AFG2A: variants seen among roughly 807,000 people sequenced by gnomAD.
AFG2A encodes the protein AAA ATPase AFG2A.
At chr4:123,235,620 C>G in the AFG2A span, among the ~76,000 whole-genome samples, 1 of 152,166 alleles carries the variant, frequency 6.6e-6, no homozygotes, top group Non-Finnish European at 1.5e-5. Context: ...CTGACTATGT[C>G]AACTACTTGG....
At chr4:123,265,155 C>A in the AFG2A span, among the ~76,000 whole-genome samples, 2 of 152,154 alleles carry the variant, frequency 1.3e-5, no homozygotes, top group Non-Finnish European at 2.9e-5. Context: ...ATTTTACATG[C>A]TCAGAGAGTT....
At chr4:123,146,579 C>G in the AFG2A span, among the ~76,000 whole-genome samples, 3 of 152,198 alleles carry the variant, frequency 2.0e-5, no homozygotes, top group Non-Finnish European at 4.4e-5. Flanking sequence ...AAATTAAGCT[C>G]TCTGTTTAAT....
the AFG2A span, among the ~76,000 whole-genome samples, chr4:123,156,888 A>C: frequency 6.6e-6 from 1 of 152,086 alleles, no homozygotes; most frequent in African/African-American, 2.4e-5. Context: ...GGAGGGACTC[A>C]TATGGAAGGT....
At chr4:123,040,776 T>C in the AFG2A span, among the ~76,000 whole-genome samples, 46 of 152,352 alleles carry the variant, frequency 3.0e-4, 1 homozygote, top group East Asian at 7.5e-3. Context: ...AGTTGCATTA[T>C]TTAAAAAATT....
At chr4:123,092,215 G>A in the AFG2A span, among the ~76,000 whole-genome samples, 1 of 152,162 alleles carries the variant, frequency 6.6e-6, no homozygotes, top group Non-Finnish European at 1.5e-5. Flanking sequence ...AGAAACTGCT[G>A]AAAGAGCCCT....
At chr4:123,017,414 ATTTTTTTTTTTTTTTTTTT>A in the AFG2A span, among the ~76,000 whole-genome samples, 3 of 74,732 alleles carry the variant, frequency 4.0e-5, no homozygotes, top group Admixed American at 1.7e-4. Flanking sequence ...AGCATGGGAA[ATTTTTTTTTTTTTTTTTTT>A]TTTTTTTTTT....
At chr4:123,046,560 A>T in the AFG2A span, among the ~76,000 whole-genome samples, 1 of 151,922 alleles carries the variant, frequency 6.6e-6, no homozygotes, top group East Asian at 1.9e-4. Context: ...TGATATTTTG[A>T]TGTGTATACA....
the AFG2A span, among the ~76,000 whole-genome samples, chr4:123,056,930 G>A: frequency 6.6e-6 from 1 of 152,194 alleles, no homozygotes; most frequent in African/African-American, 2.4e-5. Context: ...TAGTGCAGCT[G>A]GGATTTTAAC....
At chr4:122,999,783 C>T in the AFG2A span, among the ~76,000 whole-genome samples, 22 of 152,180 alleles carry the variant, frequency 1.4e-4, no homozygotes, top group South Asian at 8.3e-4. Context: ...ATTGACTTGG[C>T]GATGCGGGCT....
the AFG2A span, among the ~76,000 whole-genome samples, chr4:123,033,879 AGTTTTTGGGG>A: frequency 6.6e-6 from 1 of 152,100 alleles, no homozygotes; most frequent in Non-Finnish European, 1.5e-5. Context: ...CAAATGAAAA[AGTTTTTGGGG>A]GGCATAACTC....
the AFG2A span, among the ~76,000 whole-genome samples, chr4:123,014,602 A>T: frequency 5.6e-4 from 85 of 152,286 alleles, no homozygotes; most frequent in Non-Finnish European, 1.1e-3. Flanking sequence ...TTGTAATGTA[A>T]TTATATTTTA....
At chr4:123,005,915 A>G in the AFG2A span, among the ~76,000 whole-genome samples, 1 of 152,110 alleles carries the variant, frequency 6.6e-6, no homozygotes, top group Non-Finnish European at 1.5e-5. Flanking sequence ...TAAACAGAGT[A>G]TTTTCTTTTG....
At chr4:123,314,878 C>T in the AFG2A span, 1 of 151,724 alleles carries the variant, frequency 6.6e-6, no homozygotes, top group Non-Finnish European at 1.5e-5. Flanking sequence ...GCCTCAACCT[C>T]CTGAGTAGCT....
At chr4:123,043,630 TATTTTTTAC>T in the AFG2A span, among the ~76,000 whole-genome samples, 1 of 152,242 alleles carries the variant, frequency 6.6e-6, no homozygotes, top group African/African-American at 2.4e-5. Flanking sequence ...ATCAGTGTTA[TATTTTTTAC>T]ATTAGTAATT....
chr4:123,199,508 G>C, the AFG2A span, among the ~76,000 whole-genome samples: 1 of 108,356 alleles, frequency 9.2e-6, no homozygotes, highest in Non-Finnish European at 1.7e-5. Flanking sequence ...GCCTTGCTCT[G>C]TCGCCCAGGC....
chr4:123,031,927 C>A, the AFG2A span, among the ~76,000 whole-genome samples: 2 of 152,138 alleles, frequency 1.3e-5, no homozygotes, highest in African/African-American at 4.8e-5. Flanking sequence ...TGACATTTGA[C>A]ATACTGTGTA....
chr4:123,001,110 C>A, the AFG2A span, among the ~76,000 whole-genome samples: 2 of 143,438 alleles, frequency 1.4e-5, no homozygotes, highest in Admixed American at 7.0e-5. Context: ...TTGTAGTATT[C>A]TCTGATGGTA....
chr4:123,066,875 C>A, the AFG2A span, among the ~76,000 whole-genome samples: 1 of 152,106 alleles, frequency 6.6e-6, no homozygotes, highest in East Asian at 1.9e-4. Flanking sequence ...CAGATTTTCT[C>A]TTATAATAGT....
chr4:123,013,182 G>A, the AFG2A span, among the ~76,000 whole-genome samples: 1 of 152,090 alleles, frequency 6.6e-6, no homozygotes, highest in Admixed American at 6.5e-5. Flanking sequence ...GGGAGCTTTT[G>A]AGCCAGGATG....
Sources: allele counts gnomAD v4.1 joint callset (sites outside exome capture counted in the v4.1 genomes callset), GRCh38; gene constraint gnomAD v4.1.1; transcripts MANE v1.5; gene names NCBI Gene and HGNC (gene_info 2026-07-23, HGNC 2026-07-21).